ARID1B: variants seen among roughly 807,000 people sequenced by gnomAD.
The protein encoded by ARID1B is AT-rich interactive domain-containing protein 1B.
Under a neutral mutation model 212.3 loss-of-function variants are expected in ARID1B, and 30 were observed. The observed-to-expected ratio is 0.14, with a 90% CI of 0.11 to 0.19. The LOEUF (loss-of-function observed/expected upper bound fraction) is 0.19. Among genes scored for constraint, ARID1B ranks in the 10% least tolerant of loss-of-function variants. The probability of loss-of-function intolerance (pLI) is 1.00; values close to 1 mark genes in which losing one functional copy is unlikely to be tolerated. For synonymous variants in ARID1B, 1,402 were observed against 1,301.7 expected (o/e 1.08, Z -1.66); for missense variants, 2,891 against 3,204.0 (o/e 0.90, Z 2.36).
chr6:157,069,762 GGTAATGAGAGGTT>G (rs1200572381), intron 4 of ARID1B, among the ~76,000 whole-genome samples: 2 of 152,196 alleles, frequency 1.3e-5, no homozygotes, highest in Non-Finnish European at 2.9e-5. Context: ...ATGAGTGGTA[GGTAATGAGAGGTT>G]GCAAGCTAGT....
intron 2 of ARID1B, among the ~76,000 whole-genome samples, chr6:156,870,827 T>C (rs1786068796): frequency 6.6e-6 from 1 of 152,244 alleles, no homozygotes; most frequent in Non-Finnish European, 1.5e-5. Flanking sequence ...TGTGTGACAT[T>C]GGACTCTAGA....
intron 19 of ARID1B, chr6:157,205,923 C>CT (rs1171360405): frequency 7.9e-6 from 4 of 509,050 alleles, no homozygotes; most frequent in African/African-American, 7.6e-5. Context: ...TGTAGATAGT[C>CT]TAAGCAAGGA....
chr6:156,939,674 T>G (rs987454988), intron 4 of ARID1B: 5 of 152,198 alleles, frequency 3.3e-5, no homozygotes, highest in African/African-American at 1.2e-4. Flanking sequence ...AATGGGTGGA[T>G]GTCTGCATCG....
chr6:156,959,487 G>A (rs1327006320), intron 4 of ARID1B, among the ~76,000 whole-genome samples: 1 of 152,140 alleles, frequency 6.6e-6, no homozygotes, highest in Non-Finnish European at 1.5e-5. Flanking sequence ...CATGGGTAGG[G>A]AGGACCAACC....
At chr6:157,036,944 A>G in intron 4 of ARID1B, 1 of 445,178 alleles carries the variant, frequency 2.2e-6, no homozygotes, top group Non-Finnish European at 4.4e-6. Flanking sequence ...TTGAAGGTTC[A>G]ACAGAGGGGA....
At chr6:156,962,256 G>A (rs541348937) in intron 4 of ARID1B, among the ~76,000 whole-genome samples, 16 of 152,058 alleles carry the variant, frequency 1.1e-4, no homozygotes, top group South Asian at 4.1e-4. Context: ...CTGAGATCAC[G>A]CCACTGCACT....
rs371237329 is a variant in ARID1B at position 156,906,348 on chromosome 6, G to C, written c.2136+4823G>C. On this transcript the variant is annotated intron_variant, in intron 3 of 19. Transcript: ENST00000636930. ...GGATCACCTGAGGTCAGGAGTTCGA[G>C]ACCAGCCTGACCAACATGGAGAAAC... Among the ~76,000 whole-genome samples, 375 of 151,882 alleles carry C rather than the reference G, an allele frequency of 2.5e-3. 2 individuals carry two copies. The highest frequency in any genetic ancestry group is 8.6e-3 in the African/African-American group (358 of 41,410).
chr6:157,131,700 G>C (rs1788560603), intron 6 of ARID1B, among the ~76,000 whole-genome samples: 1 of 152,084 alleles, frequency 6.6e-6, no homozygotes, highest in Admixed American at 6.6e-5. Context: ...GTTTTGTTTT[G>C]TTTTGTTTGA....
At chr6:156,945,560 C>T (rs576842227) in intron 4 of ARID1B, among the ~76,000 whole-genome samples, 1 of 152,014 alleles carries the variant, frequency 6.6e-6, no homozygotes, top group East Asian at 1.9e-4. Flanking sequence ...TCTTTCTTTT[C>T]CCCATGGGCA....
At chr6:156,981,850 G>T (rs1777624661) in intron 4 of ARID1B, among the ~76,000 whole-genome samples, 1 of 151,458 alleles carries the variant, frequency 6.6e-6, no homozygotes, top group Admixed American at 6.6e-5. Flanking sequence ...GCCTTCCTGT[G>T]CCCTCCAACA....
chr6:157,147,386 C>T (rs1481342708), intron 7 of ARID1B, among the ~76,000 whole-genome samples: 2 of 61,304 alleles, frequency 3.3e-5, no homozygotes, highest in African/African-American at 1.3e-4. Flanking sequence ...CCCTCACCCC[C>T]GCCTCCGACC....
At chr6:157,081,083 G>C (rs1437327617) in intron 4 of ARID1B, among the ~76,000 whole-genome samples, 2 of 152,176 alleles carry the variant, frequency 1.3e-5, no homozygotes, top group Non-Finnish European at 2.9e-5. Flanking sequence ...ATCACAAAAA[G>C]AGGACTGATT....
At chr6:157,136,941 G>C (rs2128596799) in intron 7 of ARID1B, among the ~76,000 whole-genome samples, 2 of 150,430 alleles carry the variant, frequency 1.3e-5, no homozygotes, top group Middle Eastern at 3.7e-3. Context: ...ACTTTGAGAG[G>C]CTGAGGCAGG....
At chr6:156,807,691 C>T (rs750349737) in intron 1 of ARID1B, among the ~76,000 whole-genome samples, 5 of 152,154 alleles carry the variant, frequency 3.3e-5, no homozygotes, top group Middle Eastern at 3.2e-3. Flanking sequence ...TGATATTGTA[C>T]GTGTTCTCTG....
intron 7 of ARID1B, among the ~76,000 whole-genome samples, chr6:157,142,582 C>A (rs1301132966): frequency 6.6e-6 from 1 of 152,074 alleles, no homozygotes; most frequent in East Asian, 1.9e-4. Context: ...GCCGGGATCA[C>A]GTCACTGCAC....
At chr6:156,975,613 C>CTTTTTTTT (rs367797338) in intron 4 of ARID1B, among the ~76,000 whole-genome samples, 14 of 110,852 alleles carry the variant, frequency 1.3e-4, no homozygotes, top group African/African-American at 3.8e-4. Context: ...TTTTTTTTTT[C>CTTTTTTTT]TTTTTTTTTT....
At chr6:156,895,530 A>T (rs1329284455) in intron 2 of ARID1B, among the ~76,000 whole-genome samples, 1 of 152,066 alleles carries the variant, frequency 6.6e-6, no homozygotes, top group Non-Finnish European at 1.5e-5. Context: ...TCGGAAGGAC[A>T]CCTCCTGGGG....
intron 4 of ARID1B, among the ~76,000 whole-genome samples, chr6:156,952,914 T>G (rs966412963): frequency 6.6e-6 from 1 of 152,238 alleles, no homozygotes; most frequent in Non-Finnish European, 1.5e-5. Flanking sequence ...AATTCTTCCT[T>G]GTAGGGAATC....
chr6:156,858,860 C>G (rs185049643), intron 2 of ARID1B, among the ~76,000 whole-genome samples: 174 of 152,116 alleles, frequency 1.1e-3, no homozygotes, highest in Admixed American at 2.2e-3. Flanking sequence ...TTAAAAAAAC[C>G]GTAAAAATGG....
Sources: allele counts gnomAD v4.1 joint callset (sites outside exome capture counted in the v4.1 genomes callset), GRCh38; gene constraint gnomAD v4.1.1; transcripts MANE v1.5; gene names NCBI Gene and HGNC (gene_info 2026-07-23, HGNC 2026-07-21).